The following CWC27 variants were observed in gnomAD, a reference collection of about 807,000 sequenced individuals.
The protein encoded by CWC27 is spliceosome-associated protein CWC27 homolog.
A neutral mutation model predicts 63.6 loss-of-function variants in CWC27; 47 were observed. The ratio of observed to expected loss-of-function variants is 0.74; its 90% confidence interval spans 0.58 to 0.94. CWC27 has a LOEUF of 0.94. Among genes scored for constraint, CWC27 ranks in the 40% least tolerant of loss-of-function variants. CWC27 has a pLI of 0.00. For missense variants in CWC27, 495 were observed against 554.3 expected (o/e 0.89, Z 1.07); for synonymous variants, 175 against 179.8 (o/e 0.97, Z 0.22).
chr5:64,995,070 C>T (rs533943695), intron 13 of CWC27, among the ~76,000 whole-genome samples: 10 of 146,346 alleles, frequency 6.8e-5, no homozygotes, highest in Non-Finnish European at 1.5e-4. Flanking sequence ...CTGCCAGTTT[C>T]AAGCAATTCT....
intron 11 of CWC27, among the ~76,000 whole-genome samples, chr5:64,949,291 A>G (rs1336076809): frequency 6.6e-6 from 1 of 152,044 alleles, no homozygotes; most frequent in African/African-American, 2.4e-5. Context: ...AATGAATTAG[A>G]TTTAGATAGC....
intron 11 of CWC27, among the ~76,000 whole-genome samples, chr5:64,912,665 A>T (rs1215257821): frequency 1.3e-5 from 2 of 152,198 alleles, no homozygotes; most frequent in Non-Finnish European, 2.9e-5. Context: ...CAATGTGCAG[A>T]TAATCATCAT....
intron 13 of CWC27, among the ~76,000 whole-genome samples, chr5:64,987,269 C>A (rs889795781): frequency 3.3e-5 from 5 of 152,062 alleles, no homozygotes; most frequent in African/African-American, 1.2e-4. Flanking sequence ...ATAGGAATTA[C>A]AATATACTTT....
intron 13 of CWC27, among the ~76,000 whole-genome samples, chr5:64,987,003 C>T (rs1580766096): frequency 6.6e-6 from 1 of 152,034 alleles, no homozygotes; most frequent in Admixed American, 6.6e-5. Context: ...GAAGTGAAAC[C>T]AGAAGTGCCC....
At chr5:64,962,373 C>T (rs1382301877) in intron 11 of CWC27, among the ~76,000 whole-genome samples, 1 of 152,186 alleles carries the variant, frequency 6.6e-6, no homozygotes, top group East Asian at 1.9e-4. Context: ...CATAACCAGA[C>T]ATTGAGTAAG....
At chr5:64,887,208 G>A (rs183924305) in intron 11 of CWC27, among the ~76,000 whole-genome samples, 1 of 151,978 alleles carries the variant, frequency 6.6e-6, no homozygotes, top group African/African-American at 2.4e-5. Context: ...TGCCATACAG[G>A]TAAGGCCTAT....
At chr5:64,903,226 G>A (rs923908403) in intron 11 of CWC27, among the ~76,000 whole-genome samples, 6 of 152,218 alleles carry the variant, frequency 3.9e-5, no homozygotes, top group African/African-American at 7.2e-5. Context: ...ACATGCACAC[G>A]TATGTTTATT....
intron 10 of CWC27, among the ~76,000 whole-genome samples, chr5:64,840,701 A>C (rs1244552325): frequency 6.6e-6 from 1 of 152,062 alleles, no homozygotes; most frequent in African/African-American, 2.4e-5. Flanking sequence ...AAGAATTTTC[A>C]GCATGGAAGG....
chr5:64,835,474 G>C (rs1745637121), intron 10 of CWC27, among the ~76,000 whole-genome samples: 1 of 151,696 alleles, frequency 6.6e-6, no homozygotes, highest in Non-Finnish European at 1.5e-5. Flanking sequence ...ATTTTGGCTT[G>C]GCATGTGGAA....
At chr5:64,922,927 C>T (rs1748024905) in intron 11 of CWC27, among the ~76,000 whole-genome samples, 1 of 152,176 alleles carries the variant, frequency 6.6e-6, no homozygotes, top group Non-Finnish European at 1.5e-5. Flanking sequence ...TGCTCTAACC[C>T]TGGGTGGCTG....
At chr5:64,844,225 C>T (rs1561432133) in intron 10 of CWC27, among the ~76,000 whole-genome samples, 1 of 152,094 alleles carries the variant, frequency 6.6e-6, no homozygotes, top group Non-Finnish European at 1.5e-5. Context: ...CTTATGAAAC[C>T]CACTCCGAAG....
chr5:64,969,240 GC>G (rs1749075234), intron 11 of CWC27, among the ~76,000 whole-genome samples: 1 of 152,104 alleles, frequency 6.6e-6, no homozygotes, highest in African/African-American at 2.4e-5. Context: ...TCCATTTATT[GC>G]AAAATTCTTA....
chr5:64,832,145 T>C (rs1745539578), intron 10 of CWC27, among the ~76,000 whole-genome samples: 1 of 151,942 alleles, frequency 6.6e-6, no homozygotes, highest in Non-Finnish European at 1.5e-5. Flanking sequence ...TATTTTGCAC[T>C]TTAAATGAAT....
At chr5:64,840,134 T>A in intron 10 of CWC27, among the ~76,000 whole-genome samples, 1 of 151,408 alleles carries the variant, frequency 6.6e-6, no homozygotes, top group East Asian at 2.0e-4. Context: ...AAGTAGTCAG[T>A]GTGGTGGGAA....
intron 13 of CWC27, among the ~76,000 whole-genome samples, chr5:64,991,231 AGAGG>A (rs1446028656): frequency 4.1e-4 from 63 of 152,322 alleles, no homozygotes; most frequent in East Asian, 7.7e-4. Context: ...TTGTTACCTA[AGAGG>A]AAACTTCAGG....
chr5:64,916,754 A>G (rs1035675407), intron 11 of CWC27, among the ~76,000 whole-genome samples: 3 of 152,106 alleles, frequency 2.0e-5, no homozygotes, highest in Non-Finnish European at 4.4e-5. Context: ...CATACCTATA[A>G]CACTTGGCCT....
In CWC27 at chr5:64,853,825, A is replaced by G. The variant is rs147568488; in HGVS notation, c.939-31618A>G. ...AAACTGGGGATGACATTTCAACATG[A>G]GAGTTGGAGGAGACAAACATCCAAA... On this transcript the variant is annotated intron_variant, in intron 10 of 13. Transcript: ENST00000381070. Among the ~76,000 whole-genome samples the G allele has an allele frequency of 2.9e-3, 436 of 152,342 alleles. 5 individuals carry two copies. Among genetic ancestry groups the G allele is most frequent in the African/African-American group, 1.0e-2 (414 of 41,572 alleles).
chr5:64,942,105 C>A (rs1748494044), intron 11 of CWC27, among the ~76,000 whole-genome samples: 1 of 151,582 alleles, frequency 6.6e-6, no homozygotes, highest in Non-Finnish European at 1.5e-5. Context: ...TTTTTGAGTG[C>A]AGGAAGTGCT....
At chr5:64,973,342 T>C (rs2112443763) in intron 12 of CWC27, among the ~76,000 whole-genome samples, 1 of 152,320 alleles carries the variant, frequency 6.6e-6, no homozygotes, top group Admixed American at 6.5e-5. Context: ...GAGATTAGAC[T>C]GGATACAGGA....
Sources: gnomAD v4.1 joint callset for allele counts (sites outside exome capture counted in the v4.1 genomes callset) on GRCh38, gnomAD v4.1.1 for gene constraint, MANE v1.5 for transcripts, NCBI Gene and HGNC (gene_info 2026-07-23, HGNC 2026-07-21) for gene names.